CAMK2D: variants seen among roughly 807,000 people sequenced by gnomAD.
The protein encoded by CAMK2D is calcium/calmodulin dependent protein kinase II delta.
A neutral mutation model predicts 84.0 loss-of-function variants in CAMK2D; 37 were observed. The ratio of observed to expected loss-of-function variants is 0.44; its 90% CI spans 0.34 to 0.58. The LOEUF is 0.58. Ranked by LOEUF, CAMK2D falls within the 20% of genes least tolerant of loss-of-function variation. The pLI is 0.02. For missense variants in CAMK2D, 448 were observed against 652.5 expected (o/e 0.69, Z 3.41); for synonymous variants, 202 against 212.5 (o/e 0.95, Z 0.43).
intron 15 of CAMK2D, among the ~76,000 whole-genome samples, chr4:113,501,109 A>C (rs1403499637): frequency 6.6e-6 from 1 of 152,050 alleles, no homozygotes; most frequent in Admixed American, 6.6e-5. Flanking sequence ...ATGGAATTAT[A>C]ATGAATAATT....
chr4:113,750,645 A>G (rs1364218931), intron 2 of CAMK2D, among the ~76,000 whole-genome samples: 1 of 152,194 alleles, frequency 6.6e-6, no homozygotes, highest in East Asian at 1.9e-4. Context: ...AGATCTAATG[A>G]TGAGCTGAAT....
At chr4:113,743,818 A>G (rs1254621011) in intron 2 of CAMK2D, among the ~76,000 whole-genome samples, 1 of 151,290 alleles carries the variant, frequency 6.6e-6, no homozygotes, top group Non-Finnish European at 1.5e-5. Flanking sequence ...ATTACTCCCA[A>G]TTCTCTTTTT....
chr4:113,721,229 G>C (rs1404704501), intron 2 of CAMK2D, among the ~76,000 whole-genome samples: 1 of 152,248 alleles, frequency 6.6e-6, no homozygotes, highest in East Asian at 1.9e-4. Flanking sequence ...CTAGTAATAA[G>C]AGAGTGGAAA....
At chr4:113,669,613 T>C (rs2099271643) in intron 2 of CAMK2D, among the ~76,000 whole-genome samples, 1 of 152,226 alleles carries the variant, frequency 6.6e-6, no homozygotes. Flanking sequence ...TCAGTTTTCA[T>C]ACCTTCTGTG....
chr4:113,514,239 C>T (rs1003929238), intron 10 of CAMK2D, among the ~76,000 whole-genome samples: 10 of 152,082 alleles, frequency 6.6e-5, no homozygotes, highest in South Asian at 4.1e-4. Context: ...ATGGCGAAAC[C>T]GCATCTCTAC....
chr4:113,685,102 G>T (rs946906569), intron 2 of CAMK2D, among the ~76,000 whole-genome samples: 2 of 152,156 alleles, frequency 1.3e-5, no homozygotes, highest in Non-Finnish European at 2.9e-5. Context: ...CGCCAATCCA[G>T]CAGCCTCTCC....
intron 3 of CAMK2D, among the ~76,000 whole-genome samples, chr4:113,624,253 T>C (rs564854016): frequency 6.6e-6 from 1 of 152,196 alleles, no homozygotes; most frequent in South Asian, 2.1e-4. Context: ...ATAAAAAGTA[T>C]GTCAAATTTC....
intron 2 of CAMK2D, among the ~76,000 whole-genome samples, chr4:113,705,943 C>T (rs1180369844): frequency 6.6e-6 from 1 of 152,128 alleles, no homozygotes. Context: ...CACCATATAA[C>T]TTTCTGCATG....
chr4:113,753,689 C>G (rs2099622225), intron 2 of CAMK2D: 1 of 597,352 alleles, frequency 1.7e-6, no homozygotes, highest in African/African-American at 2.1e-5. Flanking sequence ...ATAATTACAA[C>G]AAATTTACCA....
At chr4:113,707,199 T>A (rs1436189940) in intron 2 of CAMK2D, among the ~76,000 whole-genome samples, 1 of 152,162 alleles carries the variant, frequency 6.6e-6, no homozygotes, top group African/African-American at 2.4e-5. Context: ...AGTTTCTTAT[T>A]TTACTCATCA....
chr4:113,461,467 G>A (rs572574154), intron 17 of CAMK2D, among the ~76,000 whole-genome samples: 30 of 152,312 alleles, frequency 2.0e-4, no homozygotes, highest in African/African-American at 7.0e-4. Context: ...GACAGCAAGT[G>A]CAATGGTCTG....
chr4:113,505,123 T>C (rs2098112821), intron 13 of CAMK2D, 88 bp from the exon 14 acceptor site: 2 of 641,928 alleles, frequency 3.1e-6, no homozygotes, highest in East Asian at 3.1e-5. Context: ...CATAGAGATG[T>C]AGACATGAAG....
At chr4:113,670,882 C>G (rs1036697957) in intron 2 of CAMK2D, among the ~76,000 whole-genome samples, 1 of 151,720 alleles carries the variant, frequency 6.6e-6, no homozygotes, top group East Asian at 1.9e-4. Flanking sequence ...GAGCCAAGAT[C>G]GCGCCACTGC....
rs141983558 is a variant in CAMK2D at position 113,752,262 on chromosome 4, A to G, written c.160+7058T>C. On this transcript the variant is annotated intron_variant, in intron 2 of 20. Coordinates refer to ENST00000511664, the MANE Select transcript of CAMK2D (RefSeq NM_001321571.2). The stretch of plus-strand genomic sequence containing the variant: ...AATTATATATATCAAATTTTATGCA[A>G]TAAAACTTTTAACATTCCTATGTAA... Among the ~76,000 whole-genome samples the G allele has an allele frequency of 3.4e-3, 514 of 151,728 alleles. 3 individuals carry two copies. Among genetic ancestry groups the G allele is most frequent in the African/African-American group, 0.012 (501 of 41,482 alleles).
At chr4:113,487,451 A>G (rs1339545323) in intron 16 of CAMK2D, among the ~76,000 whole-genome samples, 1 of 152,006 alleles carries the variant, frequency 6.6e-6, no homozygotes, top group Non-Finnish European at 1.5e-5. Context: ...ATTTTACTCT[A>G]ATAAATAATT....
intron 4 of CAMK2D, among the ~76,000 whole-genome samples, chr4:113,565,116 A>G (rs1044989603): frequency 6.6e-6 from 1 of 152,212 alleles, no homozygotes; most frequent in Non-Finnish European, 1.5e-5. Flanking sequence ...CTGTCAGACC[A>G]CAAATAGTCA....
intron 4 of CAMK2D, among the ~76,000 whole-genome samples, chr4:113,596,335 C>T (rs1366365150): frequency 6.6e-6 from 1 of 152,174 alleles, no homozygotes; most frequent in East Asian, 1.9e-4. Flanking sequence ...GAATCAACTT[C>T]TTCCAAACTC....
At chr4:113,483,095 T>C (rs923478863) in intron 16 of CAMK2D, among the ~76,000 whole-genome samples, 2 of 152,202 alleles carry the variant, frequency 1.3e-5, no homozygotes, top group Non-Finnish European at 2.9e-5. Flanking sequence ...GAAGAAACTT[T>C]AACATGTAAT....
intron 7 of CAMK2D, among the ~76,000 whole-genome samples, chr4:113,535,853 G>T (rs1235599788): frequency 1.3e-5 from 2 of 152,148 alleles, no homozygotes; most frequent in Admixed American, 1.3e-4. Context: ...CCTATGTTAA[G>T]ATACTTCCAC....
Sources: allele counts gnomAD v4.1 joint callset (sites outside exome capture counted in the v4.1 genomes callset), GRCh38; gene constraint gnomAD v4.1.1; transcripts MANE v1.5; gene names NCBI Gene and HGNC (gene_info 2026-07-23, HGNC 2026-07-21).